The following ADGRL2 variants were observed in gnomAD, a reference collection of about 807,000 sequenced individuals.
ADGRL2 encodes calcium-independent alpha-latrotoxin receptor 2.
Under a neutral mutation model 157.4 loss-of-function variants are expected in ADGRL2, and 44 were observed. The ratio of observed to expected loss-of-function variants is 0.28; its 90% CI spans 0.22 to 0.36. ADGRL2 has a LOEUF of 0.36. ADGRL2 is among the 10% of genes least tolerant of loss of function. The probability of loss-of-function intolerance (pLI) is 1.00; values close to 1 mark genes in which losing one functional copy is unlikely to be tolerated. For synonymous variants in ADGRL2, 585 were observed against 624.7 expected, an observed-to-expected ratio of 0.94 and a Z score of 0.95; for missense variants, 1,510 against 1,768.9, an observed-to-expected ratio of 0.85 and a Z score of 2.63.
At chr1:81,619,138 T>G (rs2081731917) in intron 3 of ADGRL2, among the ~76,000 whole-genome samples, 1 of 152,194 alleles carries the variant, frequency 6.6e-6, no homozygotes, top group South Asian at 2.1e-4. Flanking sequence ...AATATAATCC[T>G]TAGAATAAAA....
chr1:81,353,268 A>G (rs1192530348), intron 1 of ADGRL2, among the ~76,000 whole-genome samples: 1 of 152,196 alleles, frequency 6.6e-6, no homozygotes, highest in Admixed American at 6.5e-5. Context: ...CTTGACAGAT[A>G]AACAGTTCAG....
intron 3 of ADGRL2, among the ~76,000 whole-genome samples, chr1:81,684,389 G>A (rs2083187680): frequency 6.6e-6 from 1 of 152,162 alleles, no homozygotes. Context: ...TATTAGTGAT[G>A]TTGAGCGTTT....
chr1:81,526,648 G>A (rs1008999541), intron 2 of ADGRL2, among the ~76,000 whole-genome samples: 2 of 152,130 alleles, frequency 1.3e-5, no homozygotes, highest in African/African-American at 4.8e-5. Context: ...TTTTTCTCTG[G>A]GAGGGAGATT....
At chr1:81,714,252 T>A (rs2084034099) in intron 1 of ADGRL2, among the ~76,000 whole-genome samples, 1 of 152,164 alleles carries the variant, frequency 6.6e-6, no homozygotes, top group Non-Finnish European at 1.5e-5. Flanking sequence ...ATTTGGATAC[T>A]TTTGAAAGTA....
chr1:81,352,226 G>A (rs936581521), intron 1 of ADGRL2, among the ~76,000 whole-genome samples: 4 of 152,214 alleles, frequency 2.6e-5, no homozygotes, highest in Non-Finnish European at 5.9e-5. Flanking sequence ...AACAGAATTT[G>A]TATCATCCCA....
chr1:81,427,272 A>T, intron 1 of ADGRL2: 1 of 742,388 alleles, frequency 1.3e-6, no homozygotes. Context: ...GAAGGAGGTG[A>T]TGGTGGATAT....
chr1:81,822,234 T>C (rs909088765), intron 1 of ADGRL2, among the ~76,000 whole-genome samples: 2 of 135,030 alleles, frequency 1.5e-5, no homozygotes, highest in Non-Finnish European at 3.0e-5. Flanking sequence ...TTTCTACACA[T>C]GTTTCCCGCT....
intron 3 of ADGRL2, among the ~76,000 whole-genome samples, chr1:81,654,427 A>G (rs1317197663): frequency 1.3e-5 from 2 of 152,064 alleles, no homozygotes; most frequent in East Asian, 1.9e-4. Context: ...AGCCCATTTA[A>G]TGACTGTTGC....
intron 1 of ADGRL2, among the ~76,000 whole-genome samples, chr1:81,807,125 C>T (rs1452861047): frequency 1.3e-5 from 2 of 151,808 alleles, no homozygotes; most frequent in African/African-American, 4.8e-5. Context: ...TGATAGATTT[C>T]GATAAAGCAT....
At chr1:81,911,802 G>A (rs970754666) in intron 3 of ADGRL2, among the ~76,000 whole-genome samples, 19 of 151,982 alleles carry the variant, frequency 1.3e-4, no homozygotes, top group African/African-American at 4.3e-4. Context: ...TGAGGAAGAC[G>A]GTGAAAATAT....
chr1:81,722,609 T>C, intron 1 of ADGRL2: 2 of 1,439,956 alleles, frequency 1.4e-6, no homozygotes, highest in Non-Finnish European at 1.9e-6. Flanking sequence ...GCCCATGATC[T>C]TGCCCTTGCC....
chr1:81,662,537 C>A (rs2082672978), intron 3 of ADGRL2, among the ~76,000 whole-genome samples: 1 of 151,166 alleles, frequency 6.6e-6, no homozygotes, highest in South Asian at 2.1e-4. Context: ...AGCCATGACG[C>A]CCAGCTTCGT....
chr1:81,602,771 A>T (rs1036928274), intron 3 of ADGRL2, among the ~76,000 whole-genome samples: 1 of 147,976 alleles, frequency 6.8e-6, no homozygotes, highest in Non-Finnish European at 1.5e-5. Context: ...GATGGCATGC[A>T]CCTGTAATCC....
At chr1:81,651,976 G>A (rs2082431489) in intron 3 of ADGRL2, among the ~76,000 whole-genome samples, 1 of 152,024 alleles carries the variant, frequency 6.6e-6, no homozygotes, top group Middle Eastern at 3.2e-3. Context: ...CAAAGTGTGA[G>A]GATTACAGGC....
chr1:81,642,102 G>A lies in ADGRL2; in HGVS notation c.-143+61122G>A, dbSNP rs529513104. 1.5e-3 allele frequency among the ~76,000 whole-genome samples: 220 copies of A among 150,514 alleles called. 3 individuals carry two copies. The highest frequency in any genetic ancestry group is 2.7e-3 in the Non-Finnish European group (183 of 67,644). On this transcript the variant is annotated intron_variant, in intron 3 of 24. Coordinates refer to the ADGRL2 transcript ENST00000370721. Reference sequence around the variant, plus strand: ...TAAACATACAAAAAAAAAAAAATTAGCCAGGTGTGGTGGTGGGCACCGGTA... The same window carrying A: ...TAAACATACAAAAAAAAAAAAATTAACCAGGTGTGGTGGTGGGCACCGGTA...
intron 2 of ADGRL2, among the ~76,000 whole-genome samples, chr1:81,903,277 T>A (rs1279867344): frequency 1.3e-5 from 2 of 152,236 alleles, no homozygotes; most frequent in African/African-American, 4.8e-5. Context: ...CAAATATGAT[T>A]TTCACTACTA....
intron 3 of ADGRL2, among the ~76,000 whole-genome samples, chr1:81,916,068 CA>C (rs1351918478): frequency 6.6e-6 from 1 of 152,066 alleles, no homozygotes; most frequent in Non-Finnish European, 1.5e-5. Context: ...AGTTAATTGA[CA>C]GAACTGTGTT....
intron 3 of ADGRL2, among the ~76,000 whole-genome samples, chr1:81,600,952 A>G (rs753595639): frequency 5.9e-5 from 9 of 152,216 alleles, no homozygotes; most frequent in Non-Finnish European, 8.8e-5. Flanking sequence ...GCCATGTTTA[A>G]GCAGTACAGT....
chr1:81,790,274 T>C (rs9660154), intron 2 of ADGRL2, among the ~76,000 whole-genome samples: 137,625 of 151,776 alleles, frequency 0.91, 62,552 homozygotes, highest in East Asian at 0.96. Context: ...CACACACACA[T>C]GAACACACAC....
Sources: gnomAD v4.1 joint callset for allele counts (sites outside exome capture counted in the v4.1 genomes callset) on GRCh38, gnomAD v4.1.1 for gene constraint, MANE v1.5 for transcripts, NCBI Gene and HGNC (gene_info 2026-07-23, HGNC 2026-07-21) for gene names.